KIAA1755: variants seen among roughly 807,000 people sequenced by gnomAD.
KIAA1755 encodes uncharacterized protein KIAA1755.
A neutral mutation model predicts 91.7 loss-of-function variants in KIAA1755; 68 were observed. The ratio of observed to expected loss-of-function variants is 0.74; its 90% CI spans 0.61 to 0.91. The LOEUF (loss-of-function observed/expected upper bound fraction) is 0.91. Among genes scored for constraint, KIAA1755 ranks in the 40% least tolerant of loss-of-function variants. The pLI, the probability that KIAA1755 is intolerant of heterozygous loss-of-function variation, is 0.00. For synonymous variants in KIAA1755, 610 were observed against 604.6 expected (o/e 1.01, Z -0.13); for missense variants, 1,535 against 1,494.4 (o/e 1.03, Z -0.45).
chr20:38,231,708 A>G (rs569440815), intron 4 of KIAA1755, among the ~76,000 whole-genome samples: 1 of 152,308 alleles, frequency 6.6e-6, no homozygotes, highest in African/African-American at 2.4e-5. Context: ...AACAGGGAGA[A>G]TAATATGCTG....
intron 13 of KIAA1755, among the ~76,000 whole-genome samples, chr20:38,215,726 T>C (rs1470852497): frequency 6.6e-6 from 1 of 152,128 alleles, no homozygotes. Context: ...GGAAGGCCAG[T>C]GGGGCTGAAA....
At chr20:38,239,263 C>A (rs1176398048) in intron 4 of KIAA1755, among the ~76,000 whole-genome samples, 2 of 152,250 alleles carry the variant, frequency 1.3e-5, no homozygotes. Context: ...CTGGGGAACC[C>A]AGTATCCACC....
intron 1 of KIAA1755, among the ~76,000 whole-genome samples, chr20:38,250,694 G>C (rs1246984871): frequency 6.6e-6 from 1 of 152,062 alleles, no homozygotes; most frequent in African/African-American, 2.4e-5. Flanking sequence ...AGGAGATGGT[G>C]TCTGATTTGC....
intron 5 of KIAA1755, 141 bp downstream of exon 5, chr20:38,231,061 G>A (rs532938106): frequency 4.4e-5 from 39 of 893,104 alleles, no homozygotes; most frequent in African/African-American, 2.6e-4. Context: ...GCTTTCCCCC[G>A]GCATCTGTCT....
Position 38,228,212 on chromosome 20 carries a change from C to T in KIAA1755, c.1900G>A (p.Val634Ile). 1.2e-6 allele frequency: 2 copies of T among 1,603,048 alleles called. No homozygotes were observed. ...RPEDKAKGLA[V>I]LIDARRQPPQ... ...GGCTGTCTCCTGGCGTCAATCAGGA[C>T]CGCCAGCCCCTTGGCTTTATCTTCA... The change falls in exon 6 of 14, where the codon GTC (valine) becomes ATC (isoleucine). Residue 634 changes from valine (V) to isoleucine (I), a missense_variant. By Grantham distance (29) the Val-to-Ile change is conservative. Coordinates refer to ENST00000279024, the MANE Select transcript of KIAA1755 (RefSeq NM_001029864.2).
intron 1 of KIAA1755, among the ~76,000 whole-genome samples, chr20:38,248,886 G>C (rs2076201194): frequency 7.2e-6 from 1 of 138,322 alleles, no homozygotes; most frequent in African/African-American, 2.7e-5. Flanking sequence ...TTGTTTGTTT[G>C]TTTTTAAAGA....
chr20:38,260,451 C>T (rs768488762), intron 1 of KIAA1755, 47 bp downstream of exon 1: 29 of 1,525,972 alleles, frequency 1.9e-5, no homozygotes, highest in Admixed American at 6.6e-5. Context: ...AGGGCTGTGC[C>T]CACTGAAAGG....
chr20:38,219,828 C>G, intron 10 of KIAA1755, 60 bp from the exon 11 acceptor site: 6 of 1,599,102 alleles, frequency 3.8e-6, no homozygotes, highest in Non-Finnish European at 5.1e-6. Flanking sequence ...TGCTGTACTT[C>G]TGTCCCGCAT....
rs372519114 is a variant in KIAA1755, at chr20:38,220,417, C to T, written c.2418-649G>A. 2.7e-4 allele frequency among the ~76,000 whole-genome samples: 41 copies of T among 151,364 alleles called. No homozygotes were observed. The South Asian group carries it at 2.7e-3, about 10-fold the overall frequency. On this transcript the variant is annotated intron_variant, in intron 10 of 13. Coordinates refer to ENST00000279024, the MANE Select transcript of KIAA1755 (RefSeq NM_001029864.2). ...GCAACCTCTGCCTCCTGGGTTCCAA[C>T]GATTCTCCTGCCTCAGCCTCCTGGG...
chr20:38,219,373 C>G (rs1275785116), intron 11 of KIAA1755, among the ~76,000 whole-genome samples: 1 of 152,226 alleles, frequency 6.6e-6, no homozygotes, highest in African/African-American at 2.4e-5. Context: ...CACAACGGCT[C>G]TGGCCCAGGG....
At position 38,241,680 on chromosome 20, in the gene KIAA1755, C is replaced by T; in HGVS notation, c.451G>A (p.Glu151Lys). Residue 151 changes from glutamate (E) to lysine (K), a missense_variant, in exon 3 of 14, where the codon GAG becomes AAG. Transcript: ENST00000279024. ...CCCTCAAAGTCACTGTTGATGGCCT[C>T]CAGCCATTCTTGGGTGAAAAGTATA... ...YPILFTQEWL[E>K]AINSDFEGNP... 1.2e-6 allele frequency: 2 copies of T among 1,614,208 alleles called. No homozygotes were observed. Among genetic ancestry groups the T allele is most frequent in the African/African-American group, 1.3e-5 (1 of 75,042 alleles).
chr20:38,218,264 T>A lies in KIAA1755; in HGVS notation c.2659A>T (p.Asn887Tyr). 1 of 1,614,192 alleles carries A rather than the reference T, an allele frequency of 6.2e-7. No homozygotes were observed. Reference protein sequence around the residue: ...TVEKAHAEFENFFLQAAAQYR... With the variant: ...TVEKAHAEFEYFFLQAAAQYR... ...CGCACTGCAGCCTGGAGGAAGAAGT[T>A]CTCAAATTCTGCGTGGGCTTTCTCC... is the stretch of plus-strand genomic sequence containing the variant. Residue 887 changes from asparagine (N) to tyrosine (Y), a missense_variant, in exon 12 of 14, where the codon AAC becomes TAC. By Grantham distance (143) the Asn-to-Tyr change is moderately radical (BLOSUM62 -2). Transcript: ENST00000279024.
At chr20:38,252,714 T>C (rs2076272165) in intron 1 of KIAA1755, among the ~76,000 whole-genome samples, 1 of 152,154 alleles carries the variant, frequency 6.6e-6, no homozygotes, top group African/African-American at 2.4e-5. Context: ...ACCCTTAGCT[T>C]TCACAAATTG....
intron 1 of KIAA1755, among the ~76,000 whole-genome samples, chr20:38,249,935 T>C (rs1425297562): frequency 1.3e-5 from 2 of 152,178 alleles, no homozygotes; most frequent in Non-Finnish European, 2.9e-5. Context: ...GGCCTCTCTG[T>C]TGAGACGTTG....
intron 4 of KIAA1755, among the ~76,000 whole-genome samples, chr20:38,234,555 C>T (rs1347947307): frequency 6.6e-6 from 1 of 152,182 alleles, no homozygotes; most frequent in African/African-American, 2.4e-5. Context: ...CTTTGATGGG[C>T]CTGGGGATCT....
intron 6 of KIAA1755, among the ~76,000 whole-genome samples, chr20:38,227,610 C>T (rs1445652051): frequency 6.6e-6 from 1 of 152,228 alleles, no homozygotes; most frequent in East Asian, 1.9e-4. Context: ...AGCTCATGAG[C>T]TTTATGTGAT....
At chr20:38,221,914 A>G (rs2123094662) in intron 10 of KIAA1755, among the ~76,000 whole-genome samples, 1 of 152,278 alleles carries the variant, frequency 6.6e-6, no homozygotes, top group East Asian at 1.9e-4. Context: ...CTGAGACACC[A>G]TGAGGTTCTC....
intron 5 of KIAA1755, among the ~76,000 whole-genome samples, chr20:38,229,891 C>T (rs2075829833): frequency 2.0e-5 from 3 of 152,114 alleles, no homozygotes; most frequent in Admixed American, 2.0e-4. Context: ...TCCCATCTCC[C>T]ACTCAGTCCA....
chr20:38,250,512 C>CTGTG (rs3080901), intron 1 of KIAA1755, among the ~76,000 whole-genome samples: 102 of 138,920 alleles, frequency 7.3e-4, no homozygotes, highest in East Asian at 2.7e-3. Context: ...GTGTGTGTGT[C>CTGTG]TGTGTGTGTG....
Sources: allele counts gnomAD v4.1 joint callset (sites outside exome capture counted in the v4.1 genomes callset), GRCh38; gene constraint gnomAD v4.1.1; transcripts MANE v1.5; gene names NCBI Gene and HGNC (gene_info 2026-07-23, HGNC 2026-07-21).